SCD5: variants seen among roughly 807,000 people sequenced by gnomAD.
The protein encoded by SCD5 is acyl-CoA-desaturase 4.
SCD5 carries 20 observed loss-of-function variants against 30.4 expected under a neutral mutation model. That is an observed-to-expected ratio of 0.66 (90% confidence interval 0.46 to 0.96). The LOEUF is 0.96. SCD5 is among the 40% of genes least tolerant of loss of function. The pLI, the probability that SCD5 is intolerant of heterozygous loss-of-function variation, is 0.00. For synonymous variants in SCD5, 173 were observed against 176.4 expected (o/e 0.98, Z 0.16); for missense variants, 381 against 443.3 (o/e 0.86, Z 1.26).
intron 1 of SCD5, among the ~76,000 whole-genome samples, chr4:82,752,182 G>A (rs1328112148): frequency 6.6e-6 from 1 of 151,946 alleles, no homozygotes; most frequent in East Asian, 1.9e-4. Flanking sequence ...ATCTGCTCAT[G>A]TATGGGAATT....
chr4:82,754,025 G>T (rs147984185), intron 1 of SCD5, among the ~76,000 whole-genome samples: 1 of 152,206 alleles, frequency 6.6e-6, no homozygotes, highest in East Asian at 1.9e-4. Flanking sequence ...ACAAGATAAC[G>T]CAGTCTCTTG....
intron 1 of SCD5, among the ~76,000 whole-genome samples, chr4:82,787,281 G>A (rs1722007542): frequency 6.6e-6 from 1 of 151,488 alleles, no homozygotes; most frequent in Non-Finnish European, 1.5e-5. Flanking sequence ...TCTTGGTAAA[G>A]AACACATTCT....
chr4:82,686,678 T>C (rs1475733636), intron 2 of SCD5, among the ~76,000 whole-genome samples: 1 of 151,962 alleles, frequency 6.6e-6, no homozygotes, highest in Non-Finnish European at 1.5e-5. Context: ...ATGAAAGAAA[T>C]AGTAAGAGAA....
rs116105852 is a variant in SCD5 at position 82,674,905 on chromosome 4, C to T, written c.569+5802G>A. Among the ~76,000 whole-genome samples the T allele has an allele frequency of 4.9e-3, 751 of 152,208 alleles. 5 individuals are homozygous for T. Among genetic ancestry groups the T allele is most frequent in the African/African-American group, 0.018 (731 of 41,552 alleles). On this transcript the variant is annotated intron_variant, in intron 3 of 4. Coordinates refer to ENST00000319540, the MANE Select transcript of SCD5 (RefSeq NM_001037582.3). Reference sequence around the variant, plus strand: ...TACATACAGTATGATTCTAACTATACGACATTCTGGAAAAAGCAAAACTAT... The same window carrying T: ...TACATACAGTATGATTCTAACTATATGACATTCTGGAAAAAGCAAAACTAT...
chr4:82,650,167 G>A (rs1356474260), intron 3 of SCD5, among the ~76,000 whole-genome samples: 3 of 152,324 alleles, frequency 2.0e-5, no homozygotes, highest in Non-Finnish European at 4.4e-5. Context: ...GGGAGTGGGA[G>A]GGGTTGTTAG....
intron 1 of SCD5, among the ~76,000 whole-genome samples, chr4:82,765,919 C>T (rs1461881877): frequency 3.9e-5 from 6 of 152,190 alleles, no homozygotes; most frequent in Admixed American, 3.3e-4. Flanking sequence ...TGTGCATGCC[C>T]CCCACCAAAT....
At chr4:82,731,178 G>A (rs1720636688) in intron 1 of SCD5, among the ~76,000 whole-genome samples, 1 of 152,196 alleles carries the variant, frequency 6.6e-6, no homozygotes, top group Non-Finnish European at 1.5e-5. Flanking sequence ...AGAGGATACA[G>A]CAGAACTCTC....
At chr4:82,705,003 T>C (rs1264795706) in intron 2 of SCD5, among the ~76,000 whole-genome samples, 1 of 152,240 alleles carries the variant, frequency 6.6e-6, no homozygotes, top group African/African-American at 2.4e-5. Context: ...TGGACAAATG[T>C]TGAGGCTTTC....
intron 2 of SCD5, among the ~76,000 whole-genome samples, chr4:82,701,481 T>A (rs1719839089): frequency 6.6e-6 from 1 of 151,756 alleles, no homozygotes; most frequent in African/African-American, 2.4e-5. Context: ...AATATACCAA[T>A]TAAAAGACAG....
chr4:82,788,523 T>A (rs560699946), intron 1 of SCD5, among the ~76,000 whole-genome samples: 2 of 152,194 alleles, frequency 1.3e-5, no homozygotes, highest in South Asian at 4.1e-4. Flanking sequence ...CCCGAGTAAC[T>A]GGGATTACAA....
At chr4:82,732,531 A>G (rs1720665834) in intron 1 of SCD5, among the ~76,000 whole-genome samples, 1 of 152,182 alleles carries the variant, frequency 6.6e-6, no homozygotes, top group Non-Finnish European at 1.5e-5. Context: ...AAACAGGCCT[A>G]CCCATCACAT....
intron 1 of SCD5, among the ~76,000 whole-genome samples, chr4:82,718,115 A>G (rs1720272160): frequency 6.6e-6 from 1 of 151,284 alleles, no homozygotes; most frequent in Non-Finnish European, 1.5e-5. Context: ...CTAAGGGAAT[A>G]AAGACAGTTG....
chr4:82,670,450 A>C (rs1674927238), intron 3 of SCD5, among the ~76,000 whole-genome samples: 1 of 152,212 alleles, frequency 6.6e-6, no homozygotes, highest in South Asian at 2.1e-4. Flanking sequence ...ATATGAATAG[A>C]AACTTCCAAA....
At chr4:82,631,752 G>GC (rs754633253) in intron 4 of SCD5, among the ~76,000 whole-genome samples, 8 of 152,296 alleles carry the variant, frequency 5.3e-5, no homozygotes, top group Non-Finnish European at 8.8e-5. Context: ...GTGAACTGCA[G>GC]ACATGATACC....
chr4:82,786,892 G>A (rs1578068326), intron 1 of SCD5, among the ~76,000 whole-genome samples: 1 of 151,840 alleles, frequency 6.6e-6, no homozygotes, highest in East Asian at 1.9e-4. Flanking sequence ...CATTGTACAT[G>A]CCTTGTTTGA....
At chr4:82,684,543 C>A (rs907718463) in intron 2 of SCD5, among the ~76,000 whole-genome samples, 1 of 152,094 alleles carries the variant, frequency 6.6e-6, no homozygotes, top group Non-Finnish European at 1.5e-5. Context: ...GGGAAAGAAC[C>A]TACCTGTGAA....
intron 1 of SCD5, among the ~76,000 whole-genome samples, chr4:82,716,479 A>C (rs1032668986): frequency 4.0e-5 from 6 of 151,898 alleles, no homozygotes; most frequent in African/African-American, 1.5e-4. Context: ...TGTGGATTCA[A>C]CTGTGGATTC....
intron 3 of SCD5, chr4:82,660,817 C>A: frequency 6.2e-7 from 1 of 1,610,624 alleles, no homozygotes; most frequent in Non-Finnish European, 8.5e-7. Flanking sequence ...GTGGAGTCCC[C>A]GTCTGTTATT....
At chr4:82,699,810 C>T (rs1038114961) in intron 2 of SCD5, among the ~76,000 whole-genome samples, 7 of 152,080 alleles carry the variant, frequency 4.6e-5, no homozygotes, top group South Asian at 2.1e-4. Context: ...TACAGGTGCA[C>T]GCCACCACGC....
Sources: allele counts gnomAD v4.1 joint callset (sites outside exome capture counted in the v4.1 genomes callset), GRCh38; gene constraint gnomAD v4.1.1; transcripts MANE v1.5; gene names NCBI Gene and HGNC (gene_info 2026-07-23, HGNC 2026-07-21).